SCMH1: variants seen among roughly 807,000 people sequenced by gnomAD.
The protein encoded by SCMH1 is Scm polycomb group protein homolog 1.
A neutral mutation model predicts 70.8 loss-of-function variants in SCMH1; 37 were observed. The ratio of observed to expected loss-of-function variants is 0.52; its 90% CI spans 0.40 to 0.69. The LOEUF is 0.69. Among genes scored for constraint, SCMH1 ranks in the 30% least tolerant of loss-of-function variants. The pLI is 0.00. For missense variants in SCMH1, 607 were observed against 827.3 expected, an observed-to-expected ratio of 0.73 and a Z score of 3.27; for synonymous variants, 292 against 307.4, an observed-to-expected ratio of 0.95 and a Z score of 0.52.
intron 1 of SCMH1, among the ~76,000 whole-genome samples, chr1:41,190,845 T>C (rs1315300617): frequency 6.6e-6 from 1 of 152,188 alleles, no homozygotes; most frequent in Non-Finnish European, 1.5e-5. Flanking sequence ...GTAGGCACTT[T>C]ACATACCTTA....
rs962434436 is a variant in SCMH1 at position 41,113,825 on chromosome 1, G to A, written c.502-299C>T. 5.3e-5 allele frequency among the ~76,000 whole-genome samples: 8 copies of A among 152,000 alleles called. No homozygotes were observed. The highest frequency in any genetic ancestry group is 1.5e-4 in the African/African-American group (6 of 41,372). ...ATTCCATTCCCCCTCTACCTACCAC[G>A]GAGGTAACAGCTACCCATGCATGTT... On this transcript the variant is annotated intron_variant, in intron 7 of 14. Transcript: ENST00000337495. The surrounding 1 kb of genome is among the most constrained non-coding windows in gnomAD (Gnocchi z 4.3).
At chr1:41,087,095 T>A (rs1661931334) in intron 8 of SCMH1, among the ~76,000 whole-genome samples, 1 of 152,040 alleles carries the variant, frequency 6.6e-6, no homozygotes, top group Admixed American at 6.6e-5. Context: ...AAATCTGGGA[T>A]ATGATAAAAG....
intron 12 of SCMH1, among the ~76,000 whole-genome samples, chr1:41,042,465 T>G (rs568326053): frequency 3.9e-5 from 6 of 152,208 alleles, no homozygotes; most frequent in South Asian, 4.2e-4. Flanking sequence ...GCCAGGCTGG[T>G]CTCGAACTCC....
intron 4 of SCMH1, chr1:41,152,730 A>C: frequency 6.2e-7 from 1 of 1,610,134 alleles, no homozygotes; most frequent in Non-Finnish European, 8.5e-7. Flanking sequence ...GCCATGCAAA[A>C]AGCACTAGAT....
intron 10 of SCMH1, among the ~76,000 whole-genome samples, chr1:41,060,933 C>T (rs1652407415): frequency 6.6e-6 from 1 of 152,200 alleles, no homozygotes; most frequent in South Asian, 2.1e-4. Context: ...TCAATCCTCC[C>T]AACTCGGCCT....
At chr1:41,081,692 C>T (rs1660070245) in intron 8 of SCMH1, among the ~76,000 whole-genome samples, 1 of 151,972 alleles carries the variant, frequency 6.6e-6, no homozygotes, top group South Asian at 2.1e-4. Flanking sequence ...TGGTGGTGCA[C>T]ACCTGTAGTC....
At chr1:41,184,325 A>C (rs1175466465) in intron 2 of SCMH1, among the ~76,000 whole-genome samples, 1 of 152,222 alleles carries the variant, frequency 6.6e-6, no homozygotes, top group East Asian at 1.9e-4. Context: ...TCAATAAGTT[A>C]AACTATGCCA....
chr1:41,098,225 A>G (rs765074700), intron 8 of SCMH1, among the ~76,000 whole-genome samples: 2 of 152,224 alleles, frequency 1.3e-5, no homozygotes, highest in African/African-American at 2.4e-5. Flanking sequence ...CATAAACTGA[A>G]ACTTTTAAAT....
At chr1:41,094,812 C>A (rs1664622833) in intron 8 of SCMH1, among the ~76,000 whole-genome samples, 1 of 151,952 alleles carries the variant, frequency 6.6e-6, no homozygotes, top group African/African-American at 2.4e-5. Flanking sequence ...TTGCTAGAAC[C>A]CAGAAGGCGG....
chr1:41,166,107 G>A (rs1474615242), intron 2 of SCMH1, among the ~76,000 whole-genome samples: 2 of 152,024 alleles, frequency 1.3e-5, no homozygotes, highest in East Asian at 3.9e-4. Context: ...TGAACAGATT[G>A]TCCTTTCCTC....
chr1:41,156,953 CTTTT>C (rs66641047), intron 4 of SCMH1, among the ~76,000 whole-genome samples: 5 of 110,836 alleles, frequency 4.5e-5, no homozygotes, highest in African/African-American at 3.8e-5. Flanking sequence ...TATAAGCCAA[CTTTT>C]TTTTTTTTTT....
chr1:41,067,226 C>T (rs564807262), intron 10 of SCMH1, among the ~76,000 whole-genome samples: 7 of 152,002 alleles, frequency 4.6e-5, no homozygotes, highest in South Asian at 2.1e-4. Flanking sequence ...GGGTGGATCA[C>T]GAGGTGAGGA....
chr1:41,208,386 C>A (rs1316739869), intron 1 of SCMH1, among the ~76,000 whole-genome samples: 1 of 143,918 alleles, frequency 6.9e-6, no homozygotes, highest in Admixed American at 6.9e-5. Context: ...TGTAACTAAC[C>A]TGCACAATGT....
At chr1:41,067,386 G>A (rs751494575) in intron 10 of SCMH1, among the ~76,000 whole-genome samples, 3 of 147,484 alleles carry the variant, frequency 2.0e-5, no homozygotes, top group Non-Finnish European at 4.4e-5. Context: ...GAAGGTTGCA[G>A]TGAGCTGAGA....
intron 6 of SCMH1, among the ~76,000 whole-genome samples, chr1:41,128,478 T>A (rs896024599): frequency 3.3e-5 from 5 of 152,190 alleles, no homozygotes; most frequent in African/African-American, 1.2e-4. Context: ...TTAAAAATGC[T>A]GCTCCACTGT....
intron 10 of SCMH1, among the ~76,000 whole-genome samples, chr1:41,058,915 T>G (rs554362373): frequency 6.6e-6 from 1 of 152,256 alleles, no homozygotes; most frequent in Admixed American, 6.5e-5. Flanking sequence ...ATATTGACAT[T>G]ATCAGTGTGG....
chr1:41,165,898 T>C (rs1370012780), intron 2 of SCMH1, among the ~76,000 whole-genome samples: 1 of 152,132 alleles, frequency 6.6e-6, no homozygotes, highest in African/African-American at 2.4e-5. Context: ...ATTCCATTTG[T>C]CTATTTTTGC....
intron 10 of SCMH1, among the ~76,000 whole-genome samples, chr1:41,060,405 A>G (rs1652183345): frequency 6.6e-6 from 1 of 152,064 alleles, no homozygotes; most frequent in Non-Finnish European, 1.5e-5. Context: ...TTGAGAGAAA[A>G]AAACCCACCG....
intron 1 of SCMH1, among the ~76,000 whole-genome samples, chr1:41,240,306 C>T (rs1298373693): frequency 6.6e-6 from 1 of 152,226 alleles, no homozygotes. Context: ...ATGTAAGAGC[C>T]TGGCCTTTTA....
Sources: allele counts gnomAD v4.1 joint callset (sites outside exome capture counted in the v4.1 genomes callset), GRCh38; gene constraint gnomAD v4.1.1; non-coding constraint Gnocchi (gnomAD v3.1); transcripts MANE v1.5; gene names NCBI Gene and HGNC (gene_info 2026-07-23, HGNC 2026-07-21).